The following SRBD1 variants were observed in gnomAD, a reference collection of about 807,000 sequenced individuals.
SRBD1 encodes the protein S1 RNA-binding domain-containing protein 1.
A neutral mutation model predicts 115.3 loss-of-function variants in SRBD1; 88 were observed. That is an observed-to-expected ratio of 0.76 (90% CI 0.64 to 0.91). The LOEUF is 0.91. Among genes scored for constraint, SRBD1 ranks in the 40% least tolerant of loss-of-function variants. SRBD1 has a pLI of 0.00. For synonymous variants in SRBD1, 509 were observed against 407.7 expected (o/e 1.25, Z -2.99); for missense variants, 1,385 against 1,177.4 (o/e 1.18, Z -2.58).
chr2:45,513,711 T>C (rs1671038893), intron 14 of SRBD1, among the ~76,000 whole-genome samples: 1 of 152,160 alleles, frequency 6.6e-6, no homozygotes, highest in African/African-American at 2.4e-5. Context: ...ATGTATAATT[T>C]ACGAAAATTC....
chr2:45,419,568 C>G (rs1012239579), intron 17 of SRBD1, among the ~76,000 whole-genome samples: 13 of 152,184 alleles, frequency 8.5e-5, no homozygotes, highest in Non-Finnish European at 1.3e-4. Flanking sequence ...ACCATATGCT[C>G]TTCACTTTAG....
At chr2:45,485,951 T>C (rs1572692306) in intron 15 of SRBD1, among the ~76,000 whole-genome samples, 1 of 152,160 alleles carries the variant, frequency 6.6e-6, no homozygotes, top group Non-Finnish European at 1.5e-5. Flanking sequence ...AGTTTCTAGG[T>C]ATATATTAAA....
At chr2:45,583,841 TCTA>T (rs1343578016) in intron 5 of SRBD1, among the ~76,000 whole-genome samples, 2 of 152,188 alleles carry the variant, frequency 1.3e-5, no homozygotes, top group African/African-American at 4.8e-5. Context: ...TATTCACTCC[TCTA>T]CTAATATTCA....
intron 12 of SRBD1, 21 bp downstream of exon 12, chr2:45,551,104 G>C: frequency 6.4e-7 from 1 of 1,571,592 alleles, no homozygotes; most frequent in South Asian, 1.2e-5. Flanking sequence ...CTTTTACATG[G>C]AAAATTGCAA....
chr2:45,576,497 T>C (rs1189509570), intron 7 of SRBD1, among the ~76,000 whole-genome samples: 1 of 152,136 alleles, frequency 6.6e-6, no homozygotes. Context: ...TTTAAAGAAA[T>C]TTAAAGAAAG....
intron 14 of SRBD1, among the ~76,000 whole-genome samples, chr2:45,534,500 T>C (rs1481373026): frequency 6.6e-6 from 1 of 151,918 alleles, no homozygotes; most frequent in African/African-American, 2.4e-5. Context: ...GAAATTTAAA[T>C]AACACAGCAC....
chr2:45,469,165 A>G (rs1048311008), intron 16 of SRBD1, among the ~76,000 whole-genome samples: 2 of 152,134 alleles, frequency 1.3e-5, no homozygotes, highest in African/African-American at 2.4e-5. Flanking sequence ...GATGGTCTAT[A>G]TATTGTTTTC....
At chr2:45,457,047 G>A (rs528764324) in intron 16 of SRBD1, among the ~76,000 whole-genome samples, 3 of 151,740 alleles carry the variant, frequency 2.0e-5, no homozygotes, top group Admixed American at 6.6e-5. Flanking sequence ...TATTTTTAAT[G>A]GCTCTATAAT....
intron 16 of SRBD1, among the ~76,000 whole-genome samples, chr2:45,428,962 G>T (rs1487673006): frequency 2.0e-5 from 3 of 152,084 alleles, no homozygotes; most frequent in East Asian, 1.9e-4. Context: ...TGATAAAGGG[G>T]ATATCACCAC....
intron 14 of SRBD1, among the ~76,000 whole-genome samples, chr2:45,498,389 G>T (rs1411756308): frequency 6.6e-6 from 1 of 152,018 alleles, no homozygotes; most frequent in East Asian, 1.9e-4. Context: ...AAAGTTGTGT[G>T]TGCTCATTTT....
At chr2:45,571,442 C>T (rs1673006680) in intron 9 of SRBD1, among the ~76,000 whole-genome samples, 1 of 129,550 alleles carries the variant, frequency 7.7e-6, no homozygotes, top group Admixed American at 9.5e-5. Flanking sequence ...CAAGCAGCAA[C>T]AACAAACAGG....
At chr2:45,508,037 A>G (rs922070346) in intron 14 of SRBD1, among the ~76,000 whole-genome samples, 3 of 152,206 alleles carry the variant, frequency 2.0e-5, no homozygotes, top group Non-Finnish European at 2.9e-5. Context: ...CAAGTTCTTA[A>G]AGCCTGACCG....
chr2:45,603,879 G>C (rs968543436), intron 2 of SRBD1, among the ~76,000 whole-genome samples: 2 of 151,986 alleles, frequency 1.3e-5, no homozygotes, highest in Non-Finnish European at 2.9e-5. Flanking sequence ...CCCCGCTTGA[G>C]CTCAAGACTT....
intron 14 of SRBD1, among the ~76,000 whole-genome samples, chr2:45,544,126 G>A (rs1558467156): frequency 1.3e-5 from 2 of 151,592 alleles, no homozygotes; most frequent in African/African-American, 2.4e-5. Flanking sequence ...CCAGCTACTC[G>A]GGAGGTTGAG....
At chr2:45,514,171 T>C (rs765717918) in intron 14 of SRBD1, among the ~76,000 whole-genome samples, 2 of 152,200 alleles carry the variant, frequency 1.3e-5, no homozygotes, top group African/African-American at 4.8e-5. Flanking sequence ...AAGAATTTAC[T>C]AAAATCTACT....
At chr2:45,403,671 C>T (rs1207702578) in intron 19 of SRBD1, among the ~76,000 whole-genome samples, 1 of 152,086 alleles carries the variant, frequency 6.6e-6, no homozygotes, top group African/African-American at 2.4e-5. Flanking sequence ...ATTGAAGGAG[C>T]TCATGGCTTT....
chr2:45,546,813 C>A lies in SRBD1; in HGVS notation c.1793G>T (p.Gly598Val). The A allele has an allele frequency of 6.2e-7, 1 of 1,614,092 alleles. No homozygotes were observed. The highest frequency in any genetic ancestry group is 8.5e-7 in the Non-Finnish European group (1 of 1,179,978). Residue 598 changes from glycine (G) to valine (V), a missense_variant, in exon 14 of 21, where the codon GGA (glycine) becomes GTA (valine). Gly to Val is a moderately radical substitution (Grantham distance 109). Transcript: ENST00000263736. ...FNCSTVVIGNGTACRETEAYF... is the reference protein window; with the variant it reads ...FNCSTVVIGNVTACRETEAYF... Reference sequence around the variant, plus strand: ...AGCTTCTGTTTCCCTGCAGGCAGTTCCATTTCCAATCACTACTGTGCTGCA... The same window carrying A: ...AGCTTCTGTTTCCCTGCAGGCAGTTACATTTCCAATCACTACTGTGCTGCA...
At chr2:45,523,483 C>T (rs1671350471) in intron 14 of SRBD1, among the ~76,000 whole-genome samples, 1 of 151,612 alleles carries the variant, frequency 6.6e-6, no homozygotes, top group Non-Finnish European at 1.5e-5. Flanking sequence ...GAAAGAAAGA[C>T]TTAAATTACT....
At chr2:45,483,416 T>C (rs1435940276) in intron 15 of SRBD1, among the ~76,000 whole-genome samples, 2 of 150,234 alleles carry the variant, frequency 1.3e-5, no homozygotes, top group African/African-American at 4.9e-5. Flanking sequence ...TATGGTAAAG[T>C]GATTGAGTAT....
Sources: gnomAD v4.1 joint callset for allele counts (sites outside exome capture counted in the v4.1 genomes callset) on GRCh38, gnomAD v4.1.1 for gene constraint, MANE v1.5 for transcripts, NCBI Gene and HGNC (gene_info 2026-07-23, HGNC 2026-07-21) for gene names.